Variants in CEP63 observed in about 807,000 individuals in gnomAD.
The protein encoded by CEP63 is centrosomal protein 63, also known as centrosomal protein of 63 kDa.
Under a neutral mutation model 89.1 loss-of-function variants are expected in CEP63, and 84 were observed. That is an observed-to-expected ratio of 0.94 (90% confidence interval 0.79 to 1.13). The LOEUF (loss-of-function observed/expected upper bound fraction) is 1.13, where lower values mean the gene tolerates loss of function less well. CEP63 is among the 50% of genes most tolerant of loss of function. The pLI is 0.00. For missense variants in CEP63, 838 were observed against 813.3 expected (o/e 1.03, Z -0.37); for synonymous variants, 267 against 272.5 (o/e 0.98, Z 0.20).
the CEP63 span, among the ~76,000 whole-genome samples, chr3:134,632,212 T>C: frequency 1.3e-5 from 2 of 152,028 alleles, no homozygotes; most frequent in Admixed American, 1.3e-4. Context: ...GAGAATTAAT[T>C]GAAAGAAAAT....
At chr3:134,647,478 A>T in the CEP63 span, 10 of 1,611,784 alleles carry the variant, frequency 6.2e-6, no homozygotes, top group African/African-American at 1.3e-4. Flanking sequence ...TTCGGACTCC[A>T]TTTCCAACAC....
At chr3:134,493,549 C>T (rs1938519756) in intron 1 of CEP63, among the ~76,000 whole-genome samples, 1 of 151,996 alleles carries the variant, frequency 6.6e-6, no homozygotes, top group South Asian at 2.1e-4. Flanking sequence ...AAAAAATCCT[C>T]CCTGTCACGT....
At chr3:134,695,764 G>A in the CEP63 span, among the ~76,000 whole-genome samples, 1 of 152,224 alleles carries the variant, frequency 6.6e-6, no homozygotes, top group South Asian at 2.1e-4. Flanking sequence ...AGCACTGGAG[G>A]TAGGGCCAAG....
At chr3:134,529,207 A>G (rs758796635) in intron 3 of CEP63, among the ~76,000 whole-genome samples, 24 of 152,098 alleles carry the variant, frequency 1.6e-4, no homozygotes, top group Non-Finnish European at 2.8e-4. Flanking sequence ...CATGTTAACT[A>G]TTTTAATACA....
chr3:134,622,588 A>G, the CEP63 span, among the ~76,000 whole-genome samples: 218 of 152,332 alleles, frequency 1.4e-3, no homozygotes, highest in Non-Finnish European at 2.4e-3. Flanking sequence ...CTTAATGGGT[A>G]GAGTTTCTGT....
chr3:134,694,765 C>G, the CEP63 span, among the ~76,000 whole-genome samples: 1 of 152,224 alleles, frequency 6.6e-6, no homozygotes, highest in Non-Finnish European at 1.5e-5. Flanking sequence ...TGAGGCTCCA[C>G]AGGGTTCTGA....
the CEP63 span, among the ~76,000 whole-genome samples, chr3:134,656,431 G>A: frequency 6.6e-6 from 1 of 152,348 alleles, no homozygotes; most frequent in African/African-American, 2.4e-5. Context: ...TGTGGGTGAA[G>A]CTTCAGCTGC....
At chr3:134,574,152 C>T (rs1212093158) in intron 11 of CEP63, among the ~76,000 whole-genome samples, 1 of 152,166 alleles carries the variant, frequency 6.6e-6, no homozygotes, top group Non-Finnish European at 1.5e-5. Flanking sequence ...GACAAGGGGC[C>T]TATAGCACTA....
chr3:134,640,160 T>C, the CEP63 span, among the ~76,000 whole-genome samples: 45 of 150,692 alleles, frequency 3.0e-4, 1 homozygote, highest in African/African-American at 1.1e-3. Context: ...GAGAAAATGT[T>C]GAACCATTCC....
At chr3:134,690,419 C>T in the CEP63 span, among the ~76,000 whole-genome samples, 1 of 152,204 alleles carries the variant, frequency 6.6e-6, no homozygotes, top group African/African-American at 2.4e-5. Context: ...GCAGCCTGGT[C>T]CTGGTCCACA....
the CEP63 span, among the ~76,000 whole-genome samples, chr3:134,723,696 T>A: frequency 7.6e-4 from 115 of 152,312 alleles, 3 homozygotes; most frequent in South Asian, 0.024. Context: ...GGGGTAAGGA[T>A]GGCTTAGGAG....
intron 6 of CEP63, among the ~76,000 whole-genome samples, chr3:134,543,609 T>A (rs1384492148): frequency 6.6e-6 from 1 of 152,188 alleles, no homozygotes; most frequent in Non-Finnish European, 1.5e-5. Context: ...GAGTTGATAG[T>A]GTTAGGTAGC....
upstream of CEP63, chr3:134,485,805 C>T (rs1447747799): frequency 1.5e-5 from 3 of 202,522 alleles, no homozygotes; most frequent in South Asian, 3.5e-4. Flanking sequence ...AAGTCCCTTT[C>T]CTCCCGACAC....
chr3:134,492,866 G>A (rs1008946127), intron 1 of CEP63, among the ~76,000 whole-genome samples: 1 of 152,012 alleles, frequency 6.6e-6, no homozygotes, highest in African/African-American at 2.4e-5. Context: ...ATAATTTTTA[G>A]TTTATCATAG....
chr3:134,747,878 C>T, the CEP63 span, among the ~76,000 whole-genome samples: 9 of 152,282 alleles, frequency 5.9e-5, no homozygotes, highest in Middle Eastern at 3.4e-3. Flanking sequence ...CTCTGCCTCT[C>T]GGGTTGAAGC....
At chr3:134,757,162 G>T in the CEP63 span, among the ~76,000 whole-genome samples, 1 of 152,182 alleles carries the variant, frequency 6.6e-6, no homozygotes, top group African/African-American at 2.4e-5. Flanking sequence ...TGATGATTCT[G>T]TGACCAGGAG....
the CEP63 span, chr3:134,620,863 G>A: frequency 1.3e-6 from 2 of 1,592,064 alleles, no homozygotes; most frequent in Middle Eastern, 1.7e-4. Context: ...GTCACCTGGG[G>A]AGCAGGAAGG....
chr3:134,742,155 C>T, the CEP63 span, among the ~76,000 whole-genome samples: 1 of 152,290 alleles, frequency 6.6e-6, no homozygotes, highest in Non-Finnish European at 1.5e-5. Context: ...AAAGATTCTG[C>T]TCATGGGAAG....
chr3:134,596,480 G>A, the CEP63 span, among the ~76,000 whole-genome samples: 1 of 152,174 alleles, frequency 6.6e-6, no homozygotes, highest in Non-Finnish European at 1.5e-5. Flanking sequence ...CCCAGGATGT[G>A]GCCCTCCTCT....
Sources: gnomAD v4.1 joint callset for allele counts (sites outside exome capture counted in the v4.1 genomes callset) on GRCh38, gnomAD v4.1.1 for gene constraint, MANE v1.5 for transcripts, NCBI Gene and HGNC (gene_info 2026-07-23, HGNC 2026-07-21) for gene names.